Variants in ATP2B4 observed in about 807,000 individuals in gnomAD.
ATP2B4 encodes the protein ATPase plasma membrane Ca2+ transporting 4, also known as plasma membrane calcium-transporting ATPase 4.
A neutral mutation model predicts 110.3 loss-of-function variants in ATP2B4; 39 were observed. The observed-to-expected ratio is 0.35, with a 90% CI of 0.27 to 0.46. ATP2B4 has a LOEUF of 0.46. ATP2B4 is among the 20% of genes least tolerant of loss of function. The pLI, the probability that ATP2B4 is intolerant of heterozygous loss-of-function variation, is 1.00. For missense variants in ATP2B4, 1,135 were observed against 1,530.9 expected, an observed-to-expected ratio of 0.74 and a Z score of 4.32; for synonymous variants, 538 against 571.7, an observed-to-expected ratio of 0.94 and a Z score of 0.84.
At chr1:203,700,652 G>C (rs1665663701) in intron 5 of ATP2B4, 146 bp from the exon 6 acceptor site, 1 of 1,190,612 alleles carries the variant, frequency 8.4e-7, no homozygotes, top group Non-Finnish European at 1.2e-6. Flanking sequence ...AATGCGCCCA[G>C]CTCTTGACCT....
At chr1:203,681,056 A>G (rs1664996417) in intron 1 of ATP2B4, among the ~76,000 whole-genome samples, 1 of 152,180 alleles carries the variant, frequency 6.6e-6, no homozygotes, top group Admixed American at 6.5e-5. Flanking sequence ...TGCCTATACC[A>G]GTCTGAATGA....
intron 1 of ATP2B4, among the ~76,000 whole-genome samples, chr1:203,679,357 C>T (rs1163873995): frequency 6.6e-6 from 1 of 152,160 alleles, no homozygotes; most frequent in Admixed American, 6.5e-5. Context: ...AGCGATCCCA[C>T]CTTAAACCTC....
In ATP2B4 at chr1:203,741,477, G is replaced by A. The variant is rs1372144868; in HGVS notation, c.*1623G>A. On this transcript the variant is annotated 3_prime_UTR_variant, in exon 21 of 21. Transcript: ENST00000357681. ...CCCTGCTGGTGTTGACTTCTGTGTA[G>A]GGGCCAGTTCATGTCCCTGACTCTC... The A allele has an allele frequency of 6.6e-6, 1 of 152,662 alleles. No homozygotes were observed. The highest frequency in any genetic ancestry group is 2.4e-5 in the African/African-American group (1 of 41,546). 9.5% of individuals were successfully genotyped at this position (152,662 alleles called of 1,614,324 possible).
At chr1:203,673,160 G>C (rs957326152) in intron 1 of ATP2B4, among the ~76,000 whole-genome samples, 1 of 152,180 alleles carries the variant, frequency 6.6e-6, no homozygotes, top group Admixed American at 6.5e-5. Flanking sequence ...GTGGTCCCCA[G>C]ACCAGATGCA....
chr1:203,699,638 C>T lies in ATP2B4; in HGVS notation c.570C>T (p.Phe190=). The part of the protein sequence containing the change: ...LQCRIEQEQK[F]SIIRNGQLIQ... ...GCCGCATTGAACAGGAGCAAAAGTT[C>T]TCCATCATCCGAAACGGTCAACTCA... Residue 190 remains phenylalanine, a synonymous_variant, in exon 4 of 21, where the codon TTC becomes TTT. Coordinates refer to ENST00000357681, the MANE Select transcript of ATP2B4 (RefSeq NM_001684.5). 6.2e-7 allele frequency: 1 copy of T among 1,614,168 alleles called. No homozygotes were observed. Among genetic ancestry groups the T allele is most frequent in the Non-Finnish European group, 8.5e-7 (1 of 1,180,044 alleles).
chr1:203,683,479 G>A lies in ATP2B4; in HGVS notation c.193+81G>A, dbSNP rs1027079421. 35 of 1,415,894 alleles carry A rather than the reference G, an allele frequency of 2.5e-5. No individual in the cohort carries two copies. The African/African-American group carries it at 4.3e-4, about 17-fold the overall frequency. The allele number at this position is 1,415,894 out of a possible 1,614,324, so 87.7% of individuals were successfully genotyped here. A position where few individuals can be genotyped will look rare whatever the true frequency, so the allele number is the denominator to read the frequency against. On this transcript the variant is annotated intron_variant, in intron 2 of 20. Coordinates refer to ENST00000357681, the MANE Select transcript of ATP2B4 (RefSeq NM_001684.5). ...ATTGTTTTCCCAGCTTCTAGAGAAG[G>A]CACATTTCTGGAGGCCCAGCTGGTA...
At chr1:203,726,959 C>T (rs987638852) in intron 19 of ATP2B4, among the ~76,000 whole-genome samples, 1 of 152,210 alleles carries the variant, frequency 6.6e-6, no homozygotes, top group Non-Finnish European at 1.5e-5. Context: ...CAACCCCTTG[C>T]CTATACATAG....
chr1:203,702,135 C>A, intron 7 of ATP2B4, 56 bp downstream of exon 7: 2 of 1,589,424 alleles, frequency 1.3e-6, no homozygotes, highest in South Asian at 1.1e-5. Context: ...CAAACCAGAC[C>A]TTTCCAGGCC....
At chr1:203,704,454 C>T (rs1443161046) in intron 8 of ATP2B4, among the ~76,000 whole-genome samples, 1 of 140,372 alleles carries the variant, frequency 7.1e-6, no homozygotes, top group Non-Finnish European at 1.5e-5. Flanking sequence ...GGACATATCT[C>T]TCAAGGAACA....
At chr1:203,632,895 G>T (rs1663316865) in intron 1 of ATP2B4, among the ~76,000 whole-genome samples, 1 of 152,090 alleles carries the variant, frequency 6.6e-6, no homozygotes, top group Admixed American at 6.5e-5. Flanking sequence ...AATGGGGGAA[G>T]GGGAAAAAGA....
chr1:203,663,952 GCTT>G (rs1664427234), intron 1 of ATP2B4, among the ~76,000 whole-genome samples: 1 of 152,112 alleles, frequency 6.6e-6, no homozygotes, highest in Admixed American at 6.6e-5. Flanking sequence ...GTATGCCTTA[GCTT>G]CTTCTAGGCT....
At chr1:203,669,561 C>T (rs1464396253) in intron 1 of ATP2B4, among the ~76,000 whole-genome samples, 4 of 152,128 alleles carry the variant, frequency 2.6e-5, no homozygotes, top group African/African-American at 4.8e-5. Flanking sequence ...CTCAGCCTCC[C>T]GTGTACCTGG....
At chr1:203,657,711 C>T (rs527411950) in intron 1 of ATP2B4, 58 of 754,060 alleles carry the variant, frequency 7.7e-5, no homozygotes, top group Admixed American at 2.0e-4. Flanking sequence ...GTAATCCAAA[C>T]GGTATCCATA....
At chr1:203,657,796 A>G in intron 1 of ATP2B4, 1 of 578,404 alleles carries the variant, frequency 1.7e-6, no homozygotes, top group Non-Finnish European at 3.1e-6. Flanking sequence ...GTAGCCCCTG[A>G]GGTGCGAAAA....
intron 17 of ATP2B4, among the ~76,000 whole-genome samples, chr1:203,721,683 G>A (rs1416703686): frequency 7.9e-6 from 1 of 127,374 alleles, no homozygotes; most frequent in Non-Finnish European, 1.6e-5. Context: ...TCTTTTTGGA[G>A]ACAGAGTCTC....
rs962279407 is a variant in ATP2B4, at chr1:203,683,045, C to T, written c.-161C>T. ...AGGATCTAGACTTCGGACGGCTACT[C>T]GGGAGCTTATTGCACAAGATATATT... On this transcript the variant is annotated 5_prime_UTR_variant, in exon 2 of 21. Coordinates refer to ENST00000357681, the MANE Select transcript of ATP2B4 (RefSeq NM_001684.5). The T allele has an allele frequency of 8.4e-6, 6 of 712,568 alleles. No homozygotes were observed. Among genetic ancestry groups the T allele is most frequent in the African/African-American group, 5.3e-5 (3 of 56,400 alleles). 44.1% of individuals were successfully genotyped at this position (712,568 alleles called of 1,614,324 possible).
At chr1:203,657,992 C>T (rs1486413085) in intron 1 of ATP2B4, among the ~76,000 whole-genome samples, 1 of 152,116 alleles carries the variant, frequency 6.6e-6, no homozygotes, top group Non-Finnish European at 1.5e-5. Context: ...GCGTGAACCA[C>T]GGCCGATCAT....
At chr1:203,709,677 G>A (rs987090317) in intron 11 of ATP2B4, 135 bp downstream of exon 11, 48 of 1,395,576 alleles carry the variant, frequency 3.4e-5, no homozygotes, top group Non-Finnish European at 4.0e-5. Context: ...ATATCCAAGC[G>A]TCTACTCAGG....
chr1:203,694,587 G>C (rs1665477362), intron 2 of ATP2B4, among the ~76,000 whole-genome samples: 1 of 152,186 alleles, frequency 6.6e-6, no homozygotes, highest in Non-Finnish European at 1.5e-5. Context: ...TGAACATGGA[G>C]AAACTAGTAG....
Sources: allele counts gnomAD v4.1 joint callset (sites outside exome capture counted in the v4.1 genomes callset), GRCh38; gene constraint gnomAD v4.1.1; transcripts MANE v1.5; gene names NCBI Gene and HGNC (gene_info 2026-07-23, HGNC 2026-07-21).